Variants in DNAAF5 observed in about 807,000 individuals in gnomAD.
DNAAF5 encodes the protein HEAT repeat containing 2.
DNAAF5 carries 64 observed loss-of-function variants against 75.8 expected under a neutral mutation model. The observed-to-expected ratio is 0.84, with a 90% CI of 0.69 to 1.04. DNAAF5 has a LOEUF of 1.04. DNAAF5 is among the 50% of genes least tolerant of loss of function. DNAAF5 has a pLI of 0.00. For synonymous variants in DNAAF5, 657 were observed against 557.2 expected (o/e 1.18, Z -2.52); for missense variants, 1,269 against 1,178.5 (o/e 1.08, Z -1.12).
At chr7:739,475 T>G (rs148064201) in intron 2 of DNAAF5, among the ~76,000 whole-genome samples, 2,005 of 152,320 alleles carry the variant, frequency 0.013, 43 homozygotes, top group African/African-American at 0.041. Context: ...TGGGTTTCTC[T>G]TAGTTGTTAT....
intron 8 of DNAAF5, among the ~76,000 whole-genome samples, chr7:769,523 C>T (rs921041533): frequency 2.0e-5 from 3 of 151,916 alleles, no homozygotes; most frequent in Admixed American, 6.6e-5. Context: ...TGAGTGTGGG[C>T]GGGGTGAGGG....
chr7:777,726 C>T (rs1246791667), intron 11 of DNAAF5, among the ~76,000 whole-genome samples: 1 of 152,210 alleles, frequency 6.6e-6, no homozygotes, highest in Non-Finnish European at 1.5e-5. Flanking sequence ...CGGAACTTCA[C>T]ACTCTGTGTA....
intron 4 of DNAAF5, among the ~76,000 whole-genome samples, chr7:745,620 C>T (rs564277193): frequency 2.0e-5 from 3 of 152,174 alleles, no homozygotes; most frequent in Non-Finnish European, 4.4e-5. Flanking sequence ...CACCTGTGCA[C>T]ACACGTGTAC....
At chr7:773,955 GCTCCCCCCTCAGCCC>G in intron 9 of DNAAF5, 78 bp from the exon 10 acceptor site, 1 of 1,444,772 alleles carries the variant, frequency 6.9e-7, no homozygotes, top group Non-Finnish European at 9.7e-7. Flanking sequence ...TTCCTGTTTG[GCTCCCCCCTCAGCCC>G]CATTCATCCC....
intron 2 of DNAAF5, among the ~76,000 whole-genome samples, chr7:740,060 G>A (rs1254763049): frequency 6.6e-6 from 1 of 152,130 alleles, no homozygotes; most frequent in African/African-American, 2.4e-5. Context: ...GGACAGCTCT[G>A]TAGCTCGTTC....
At position 763,817 on chromosome 7, in the gene DNAAF5, G is replaced by A. The variant is rs368538461; in HGVS notation, c.1626G>A (p.Thr542=). 3.4e-5 allele frequency: 55 copies of A among 1,613,368 alleles called. No individual in the cohort carries two copies. Among genetic ancestry groups the A allele is most frequent in the East Asian group, 1.1e-4 (5 of 44,896 alleles). ...CTTGTAACCTCCAGGCACAGGAGACGATGGACTCACTGGCCATGGTGGAGG... is the reference window on the plus strand; with the variant it reads ...CTTGTAACCTCCAGGCACAGGAGACAATGGACTCACTGGCCATGGTGGAGG... ...ATGLRDKAQE[T]MDSLAMVEGV... Residue 542 remains threonine, a synonymous_variant, in exon 8 of 13, where the codon ACG becomes ACA. Coordinates refer to ENST00000297440, the MANE Select transcript of DNAAF5 (RefSeq NM_017802.4).
chr7:745,888 T>C (rs922225871), intron 4 of DNAAF5, among the ~76,000 whole-genome samples: 4 of 152,228 alleles, frequency 2.6e-5, no homozygotes, highest in Admixed American at 2.0e-4. Flanking sequence ...CTTGGGAATG[T>C]TCCTGACTGA....
chr7:749,063 A>T (rs1197037535), intron 4 of DNAAF5, among the ~76,000 whole-genome samples: 1 of 152,220 alleles, frequency 6.6e-6, no homozygotes, highest in African/African-American at 2.4e-5. Context: ...CTTTGCAGAC[A>T]CAGCGTAAGT....
Position 775,137 on chromosome 7 carries a change from A to G in DNAAF5, c.2214A>G (p.Pro738=). 6.2e-7 allele frequency: 1 copy of G among 1,614,166 alleles called. No homozygotes were observed. The change falls in exon 11 of 13, where the codon CCA becomes CCG. Residue 738 remains proline, a synonymous_variant. Transcript: ENST00000297440. ...FLKTSGGMTD[P]EKLIRIYPEL... Reference sequence around the variant, plus strand: ...AAACCTCGGGCGGCATGACGGATCCAGAGAAACTCATCAGGATTTATCCTG... The same window carrying G: ...AAACCTCGGGCGGCATGACGGATCCGGAGAAACTCATCAGGATTTATCCTG...
At chr7:728,727 C>T (rs995681560) in intron 1 of DNAAF5, among the ~76,000 whole-genome samples, 18 of 152,226 alleles carry the variant, frequency 1.2e-4, no homozygotes, top group Non-Finnish European at 2.2e-4. Flanking sequence ...CAGCCCCAAG[C>T]GCAGCCTGCT....
intron 2 of DNAAF5, among the ~76,000 whole-genome samples, chr7:735,467 C>T (rs545934531): frequency 1.3e-4 from 20 of 149,042 alleles, no homozygotes; most frequent in African/African-American, 2.3e-4. Flanking sequence ...TAGCTGCTCC[C>T]GGTGTAGCTG....
intron 12 of DNAAF5, 56 bp downstream of exon 12, chr7:780,200 G>A (rs1193131308): frequency 2.0e-5 from 30 of 1,533,150 alleles, no homozygotes; most frequent in Admixed American, 3.5e-5. Context: ...CGCCTGCCAC[G>A]GGCATCTGTA....
At chr7:728,733 C>A (rs1002213042) in intron 1 of DNAAF5, among the ~76,000 whole-genome samples, 1 of 152,238 alleles carries the variant, frequency 6.6e-6, no homozygotes, top group African/African-American at 2.4e-5. Context: ...CAAGCGCAGC[C>A]TGCTGGGGTA....
At chr7:744,747 G>A (rs1051878746) in intron 4 of DNAAF5, among the ~76,000 whole-genome samples, 15 of 152,210 alleles carry the variant, frequency 9.9e-5, no homozygotes, top group African/African-American at 2.7e-4. Flanking sequence ...TCAGTGTGGC[G>A]ATTCCTCAGG....
chr7:739,315 G>A (rs992373663), intron 2 of DNAAF5, among the ~76,000 whole-genome samples: 9 of 152,340 alleles, frequency 5.9e-5, no homozygotes, highest in South Asian at 2.1e-4. Context: ...GATTAGCGTC[G>A]TGGCAGGTGC....
rs970868704 is a variant in DNAAF5 at position 754,155 on chromosome 7, T to C, written c.1025-434T>C. On this transcript the variant is annotated intron_variant, in intron 4 of 12. Transcript: ENST00000297440. The surrounding 1 kb of genome is among the most constrained non-coding windows in gnomAD (Gnocchi z 4.8). The stretch of plus-strand genomic sequence containing the variant: ...GTGTGGCAAGTGTGTTGTTTGCATC[T>C]CTGTGTGGCTCTAAATGTTTGTTTT... Among the ~76,000 whole-genome samples the C allele has an allele frequency of 6.6e-6, 1 of 152,234 alleles. No homozygotes were observed. Among genetic ancestry groups the C allele is most frequent in the African/African-American group, 2.4e-5 (1 of 41,458 alleles).
chr7:769,922 T>C lies in DNAAF5; in HGVS notation c.1784-549T>C, dbSNP rs138379766. 1.7e-3 allele frequency among the ~76,000 whole-genome samples: 253 copies of C among 152,280 alleles called. 1 individual carries two copies. Among genetic ancestry groups the C allele is most frequent in the African/African-American group, 5.8e-3 (242 of 41,558 alleles). On this transcript the variant is annotated intron_variant, in intron 8 of 12. Transcript: ENST00000297440. ...TTGGCTTTCCAAAGTGCTGGAATTA[T>C]AGGCGTGAGCCACCACGTCCAGGTT...
Position 727,237 on chromosome 7 carries a change from T to C in DNAAF5, c.517T>C (p.Cys173Arg), listed in dbSNP as rs902736696. Residue 173 changes from cysteine (C) to arginine (R), a missense_variant, in exon 1 of 13, where the codon TGC becomes CGC. Physicochemically the swap from Cys to Arg is radical, Grantham distance 180 (BLOSUM62 -3). Transcript: ENST00000297440. ...GGACGACGCTCTGCGCGCGCTGCGCTGCTCCCTGCTCGACCCCTTCGCCGC... is the reference window on the plus strand; with the variant it reads ...GGACGACGCTCTGCGCGCGCTGCGCCGCTCCCTGCTCGACCCCTTCGCCGC... ...HLDDALRALR[C>R]SLLDPFAAVR... 3 of 1,358,488 alleles carry C rather than the reference T, an allele frequency of 2.2e-6. No individual in the cohort carries two copies. The Admixed American group carries it at 1.0e-4, about 46-fold the overall frequency. The allele number at this position is 1,358,488 out of a possible 1,614,324, so 84.2% of individuals were successfully genotyped here.
intron 7 of DNAAF5, among the ~76,000 whole-genome samples, 185 bp from the exon 8 acceptor site, chr7:763,621 G>A (rs1218904503): frequency 6.6e-6 from 1 of 152,192 alleles, no homozygotes; most frequent in East Asian, 1.9e-4. Flanking sequence ...GTCTCGCCCT[G>A]CACCCGCGGC....
Sources: allele counts gnomAD v4.1 joint callset (sites outside exome capture counted in the v4.1 genomes callset), GRCh38; gene constraint gnomAD v4.1.1; non-coding constraint Gnocchi (gnomAD v3.1); transcripts MANE v1.5; gene names NCBI Gene and HGNC (gene_info 2026-07-23, HGNC 2026-07-21).